The following FSHB variants were observed in gnomAD, a reference collection of about 807,000 sequenced individuals.
FSHB encodes the protein follitropin subunit beta.
Under a neutral mutation model 12.1 loss-of-function variants are expected in FSHB, and 8 were observed. The observed-to-expected ratio is 0.66, with a 90% CI of 0.39 to 1.19. The LOEUF (loss-of-function observed/expected upper bound fraction) is 1.19. Among genes scored for constraint, FSHB ranks in the 50% most tolerant of loss-of-function variants. The pLI is 0.01. For missense variants in FSHB, 153 were observed against 157.2 expected (o/e 0.97, Z 0.14); for synonymous variants, 55 against 54.6 (o/e 1.01, Z -0.04).
chr11:30,232,459 C>T (rs930691027), intron 2 of FSHB, among the ~76,000 whole-genome samples: 1 of 152,126 alleles, frequency 6.6e-6, no homozygotes, highest in Non-Finnish European at 1.5e-5. Context: ...CACAAAATCA[C>T]ACCAAAATAT....
At position 30,233,732 on chromosome 11, in the gene FSHB, G is replaced by C. The variant is rs267602841; in HGVS notation, c.322G>C (p.Asp108His). ...GTGTCACTGTGGCAAGTGTGACAGC[G>C]ACAGCACTGATTGTACTGTGCGAGG... ...TQCHCGKCDS[D>H]STDCTVRGLG... Residue 108 changes from aspartate to histidine, a missense_variant, in exon 3 of 3, where the codon GAC becomes CAC. Coordinates refer to ENST00000533718, the MANE Select transcript of FSHB (RefSeq NM_001382289.1). The C allele has an allele frequency of 3.7e-6, 6 of 1,613,898 alleles. No homozygotes were observed. The highest frequency in any genetic ancestry group is 4.5e-5 in the East Asian group (2 of 44,868).
chr11:30,233,477 G>C (rs1370121426), intron 2 of FSHB, 93 bp from the exon 3 acceptor site: 1 of 937,102 alleles, frequency 1.1e-6, no homozygotes, highest in Non-Finnish European at 1.7e-6. Flanking sequence ...GTAAATGTTA[G>C]AGCAAGCAGT....
At position 30,234,320 on chromosome 11, in the gene FSHB, C is replaced by G. The variant is rs506306; in HGVS notation, c.*520C>G. 0.49 allele frequency: 82,420 copies of G among 167,936 alleles called. 20,533 individuals carry two copies. The highest frequency in any genetic ancestry group is 0.67 in the East Asian group (4,168 of 6,224). The allele number at this position is 167,936 out of a possible 1,614,324, so 10.4% of individuals were successfully genotyped here. ...GTCAAGGGTAGAAAATACTGGAAGA[C>G]GATGTTTGAGGTAAGCTGATGAGGC... On this transcript the variant is annotated 3_prime_UTR_variant, in exon 3 of 3. Transcript: ENST00000533718.
chr11:30,231,582 C>A (rs1252904653), intron 1 of FSHB, among the ~76,000 whole-genome samples: 1 of 152,104 alleles, frequency 6.6e-6, no homozygotes, highest in Non-Finnish European at 1.5e-5. Flanking sequence ...TCACAATTAT[C>A]AGAGTAATTA....
chr11:30,233,603 A>C lies in FSHB; in HGVS notation c.193A>C (p.Ile65Leu). 6.2e-7 allele frequency: 1 copy of C among 1,613,954 alleles called. No individual in the cohort carries two copies. The highest frequency in any genetic ancestry group is 2.2e-5 in the East Asian group (1 of 44,852). Reference protein sequence around the residue: ...LVYKDPARPKIQKTCTFKELV... With the variant: ...LVYKDPARPKLQKTCTFKELV... ...GTATAAGGACCCAGCCAGGCCCAAA[A>C]TCCAGAAAACATGTACCTTCAAGGA... Residue 65 changes from isoleucine to leucine, a missense_variant, in exon 3 of 3, where the codon ATC becomes CTC. Physicochemically the swap from Ile to Leu is conservative, Grantham distance 5 (BLOSUM62 2). Coordinates refer to ENST00000533718, the MANE Select transcript of FSHB (RefSeq NM_001382289.1).
Position 30,233,783 on chromosome 11 carries a change from G to C in FSHB, c.373G>C (p.Gly125Arg). The change falls in exon 3 of 3, where the codon GGT (glycine) becomes CGT (arginine). Residue 125 changes from glycine to arginine, a missense_variant. Physicochemically the swap from Gly to Arg is moderately radical, Grantham distance 125. Coordinates refer to ENST00000533718, the MANE Select transcript of FSHB (RefSeq NM_001382289.1). ...CCTGGGGCCCAGCTACTGCTCCTTTGGTGAAATGAAAGAATAAAGATCAGT... is the reference window on the plus strand; with the variant it reads ...CCTGGGGCCCAGCTACTGCTCCTTTCGTGAAATGAAAGAATAAAGATCAGT... ...RGLGPSYCSF[G>R]EMKE 6.2e-7 allele frequency: 1 copy of C among 1,613,648 alleles called. No individual in the cohort carries two copies. The highest frequency in any genetic ancestry group is 8.5e-7 in the Non-Finnish European group (1 of 1,179,712).
chr11:30,232,469 T>C (rs569504149), intron 2 of FSHB, among the ~76,000 whole-genome samples: 6 of 152,290 alleles, frequency 3.9e-5, no homozygotes, highest in African/African-American at 1.4e-4. Flanking sequence ...CACCAAAATA[T>C]GTCTCCAAGT....
rs954620942 is a variant in FSHB at position 30,232,833 on chromosome 11, T to C, written c.160-737T>C. 1.4e-4 allele frequency among the ~76,000 whole-genome samples: 22 copies of C among 152,188 alleles called. 1 individual carries two copies. On this transcript the variant is annotated intron_variant, in intron 2 of 2. Coordinates refer to ENST00000533718, the MANE Select transcript of FSHB (RefSeq NM_001382289.1). ...GATACTTTATTTGACGGTAAATGAG[T>C]TTGATCAAACTCCATTTATTACACA...
rs1852048162 is a variant in FSHB, at chr11:30,234,056, T to G, written c.*256T>G. ...CAGTCTTAACTCACAGACTTGTGCCTGGTTTCTTCTTTAAAAATCTTAGAA... is the reference window on the plus strand; with the variant it reads ...CAGTCTTAACTCACAGACTTGTGCCGGGTTTCTTCTTTAAAAATCTTAGAA... On this transcript the variant is annotated 3_prime_UTR_variant, in exon 3 of 3. Transcript: ENST00000533718. 8.6e-6 allele frequency: 4 copies of G among 462,628 alleles called. No homozygotes were observed. The highest frequency in any genetic ancestry group is 1.6e-5 in the Non-Finnish European group (4 of 251,316). The allele number at this position is 462,628 out of a possible 1,614,324, so 28.7% of individuals were successfully genotyped here. A position where few individuals can be genotyped will look rare whatever the true frequency, so the allele number is the denominator to read the frequency against.
At chr11:30,232,967 T>G (rs1852028919) in intron 2 of FSHB, among the ~76,000 whole-genome samples, 1 of 152,180 alleles carries the variant, frequency 6.6e-6, no homozygotes, top group African/African-American at 2.4e-5. Flanking sequence ...AAAGTGCTAC[T>G]ACAAATAATT....
At chr11:30,231,788 T>C (rs1223908878) in intron 1 of FSHB, 78 bp from the exon 2 acceptor site, 2 of 1,124,994 alleles carry the variant, frequency 1.8e-6, no homozygotes, top group African/African-American at 1.5e-5. Context: ...AAGCAAAATG[T>C]GATTGAGGAG....
intron 1 of FSHB, 53 bp downstream of exon 1, chr11:30,231,101 C>T (rs902670267): frequency 5.9e-5 from 9 of 152,204 alleles, no homozygotes; most frequent in African/African-American, 2.2e-4. Flanking sequence ...TTTGAAATTA[C>T]AGATTTGTCA....
chr11:30,231,763 G>GA (rs1018321592), intron 1 of FSHB, 103 bp from the exon 2 acceptor site: 28 of 876,678 alleles, frequency 3.2e-5, no homozygotes, highest in Non-Finnish European at 4.4e-5. Context: ...CATAAGGAAG[G>GA]AAAAAAAACT....
rs1852036390 is a variant in FSHB, at chr11:30,233,570, G to A, written c.160G>A (p.Asp54Asn). The A allele has an allele frequency of 6.2e-7, 1 of 1,611,380 alleles. No individual in the cohort carries two copies. Among genetic ancestry groups the A allele is most frequent in the Non-Finnish European group, 8.5e-7 (1 of 1,177,598 alleles). The change falls in exon 3 of 3, where the codon GAT becomes AAT. Residue 54 changes from aspartate (D) to asparagine (N), a missense_variant and splice_region_variant. Coordinates refer to ENST00000533718, the MANE Select transcript of FSHB (RefSeq NM_001382289.1). ...CTAACTCTCTTCTTAAACTCCTCAG[G>A]ATCTGGTGTATAAGGACCCAGCCAG... is the stretch of plus-strand genomic sequence containing the variant. ...TWCAGYCYTR[D>N]LVYKDPARPK...
chr11:30,231,427 G>A (rs1474829713), intron 1 of FSHB, among the ~76,000 whole-genome samples: 1 of 152,154 alleles, frequency 6.6e-6, no homozygotes, highest in Admixed American at 6.5e-5. Flanking sequence ...CTGGAAGGTT[G>A]AAGATGCAGT....
At chr11:30,231,575 C>T (rs1188422977) in intron 1 of FSHB, among the ~76,000 whole-genome samples, 2 of 152,140 alleles carry the variant, frequency 1.3e-5, no homozygotes, top group African/African-American at 2.4e-5. Flanking sequence ...ATGATGATCA[C>T]AATTATCAGA....
At position 30,233,936 on chromosome 11, in the gene FSHB, T is replaced by C. The variant is rs1852046039; in HGVS notation, c.*136T>C. 1 of 740,446 alleles carries C rather than the reference T, an allele frequency of 1.4e-6. No homozygotes were observed. The highest frequency in any genetic ancestry group is 2.0e-5 in the Admixed American group (1 of 48,822). 45.9% of individuals were successfully genotyped at this position (740,446 alleles called of 1,614,324 possible). ...CAGACTCTACTGATCCCTGGTCTAC[T>C]GGCAGAGGGAACTCTGGGAATTGAG... On this transcript the variant is annotated 3_prime_UTR_variant, in exon 3 of 3. Transcript: ENST00000533718.
rs1001899425 is a variant in FSHB at position 30,234,876 on chromosome 11, C to T, written c.*1076C>T. On this transcript the variant is annotated 3_prime_UTR_variant, in exon 3 of 3. Transcript: ENST00000533718. ...TTCTATTTTATCCATCCATGTTCTC[C>T]CAAATCTGTGCTTTCTTTCAACAGG... The T allele has an allele frequency of 2.0e-5, 3 of 152,122 alleles. No homozygotes were observed. Among genetic ancestry groups the T allele is most frequent in the African/African-American group, 4.8e-5 (2 of 41,414 alleles). 9.4% of individuals were successfully genotyped at this position (152,122 alleles called of 1,614,324 possible).
intron 2 of FSHB, among the ~76,000 whole-genome samples, chr11:30,233,149 A>G (rs571719808): frequency 6.6e-6 from 1 of 152,252 alleles, no homozygotes; most frequent in Non-Finnish European, 1.5e-5. Flanking sequence ...TTAAAATTAT[A>G]TATTTTTGAC....
Sources: gnomAD v4.1 joint callset for allele counts (sites outside exome capture counted in the v4.1 genomes callset) on GRCh38, gnomAD v4.1.1 for gene constraint, MANE v1.5 for transcripts, NCBI Gene and HGNC (gene_info 2026-07-23, HGNC 2026-07-21) for gene names.